Variants in SFTPD observed in about 807,000 individuals in gnomAD.
SFTPD encodes the protein surfactant protein D.
SFTPD carries 18 observed loss-of-function variants against 34.6 expected under a neutral mutation model. The ratio of observed to expected loss-of-function variants is 0.52; its 90% CI spans 0.36 to 0.77. SFTPD has a LOEUF of 0.77. Among genes scored for constraint, SFTPD ranks in the 30% least tolerant of loss-of-function variants. SFTPD has a pLI of 0.00. For missense variants in SFTPD, 433 were observed against 468.9 expected, an observed-to-expected ratio of 0.92 and a Z score of 0.71; for synonymous variants, 155 against 180.9, an observed-to-expected ratio of 0.86 and a Z score of 1.15.
chr10:79,953,474 G>C (rs1842722576), upstream of SFTPD, among the ~76,000 whole-genome samples: 1 of 148,860 alleles, frequency 6.7e-6, no homozygotes, highest in African/African-American at 2.5e-5. Flanking sequence ...ATTCTCTCCT[G>C]GTCTGCAGGG....
intron 2 of SFTPD, among the ~76,000 whole-genome samples, chr10:79,946,021 C>A (rs1842661441): frequency 6.6e-6 from 1 of 152,174 alleles, no homozygotes; most frequent in Non-Finnish European, 1.5e-5. Flanking sequence ...TAGAGCAAAT[C>A]CTCTTGATTA....
At chr10:79,945,204 T>C (rs1224381509) in intron 2 of SFTPD, among the ~76,000 whole-genome samples, 1 of 152,102 alleles carries the variant, frequency 6.6e-6, no homozygotes, top group Non-Finnish European at 1.5e-5. Flanking sequence ...CCCAGGGCCA[T>C]TGTGGGAAAG....
chr10:79,937,752 A>T lies in SFTPD; in HGVS notation c.*100T>A. On this transcript the variant is annotated 3_prime_UTR_variant, in exon 8 of 8. Transcript: ENST00000372292. ...TGGAGAGAAGTCCTTCCCGGCACAG[A>T]TGGTCACCTTTTTATTAGGATATTG... is the stretch of plus-strand genomic sequence containing the variant. 1 of 1,300,116 alleles carries T rather than the reference A, an allele frequency of 7.7e-7. No individual in the cohort carries two copies. The allele number at this position is 1,300,116 out of a possible 1,614,324, so 80.5% of individuals were successfully genotyped here.
At chr10:79,955,587 G>T (rs375682003) in intron 1 of SFTPD, among the ~76,000 whole-genome samples, 1 of 152,266 alleles carries the variant, frequency 6.6e-6, no homozygotes, top group South Asian at 2.1e-4. Context: ...GATTGCTTAT[G>T]CTCAGGTGCT....
chr10:79,940,904 A>T (rs1302737436), intron 6 of SFTPD, 116 bp from the exon 7 acceptor site: 7 of 664,098 alleles, frequency 1.1e-5, no homozygotes, highest in African/African-American at 1.8e-5. Flanking sequence ...GGGCTGACCC[A>T]CAGCAAGCCC....
intron 1 of SFTPD, among the ~76,000 whole-genome samples, chr10:79,959,378 CA>C (rs1325017424): frequency 6.6e-6 from 1 of 152,004 alleles, no homozygotes; most frequent in African/African-American, 2.4e-5. Context: ...AAAGGATCAA[CA>C]AAATCGATAG....
Position 79,958,315 on chromosome 10 carries a change from A to G in SFTPD, c.37-11653T>C, listed in dbSNP as rs1349831237. Among the ~76,000 whole-genome samples, 3 of 152,202 alleles carry G rather than the reference A, an allele frequency of 2.0e-5. No homozygotes were observed. The East Asian group carries it at 5.8e-4, about 29-fold the overall frequency. On this transcript the variant is annotated intron_variant, in intron 1 of 5. Transcript: ENST00000444384. Reference sequence around the variant, plus strand: ...ACACATAACAATATTAACTTTAAACATAAGTGGGCTAAATGCTCCAATTAA... The same window carrying G: ...ACACATAACAATATTAACTTTAAACGTAAGTGGGCTAAATGCTCCAATTAA...
chr10:79,953,331 C>T (rs1161045175), upstream of SFTPD, among the ~76,000 whole-genome samples: 1 of 152,098 alleles, frequency 6.6e-6, no homozygotes, highest in Non-Finnish European at 1.5e-5. Context: ...TGACAAACTC[C>T]CTCAGTATAT....
At chr10:79,948,719 C>G (rs947792518) in intron 1 of SFTPD, among the ~76,000 whole-genome samples, 1 of 152,186 alleles carries the variant, frequency 6.6e-6, no homozygotes, top group Non-Finnish European at 1.5e-5. Context: ...ACTGTCCTTT[C>G]TGAAGAAATC....
At chr10:79,958,739 A>C (rs1842754808) in intron 1 of SFTPD, among the ~76,000 whole-genome samples, 2 of 152,180 alleles carry the variant, frequency 1.3e-5, no homozygotes, top group South Asian at 4.1e-4. Flanking sequence ...GATCAACAAG[A>C]CAGAAAGTTA....
rs1386999898 is a variant in SFTPD, at chr10:79,941,442, C to A, written c.623G>T (p.Gly208Val). 1 of 1,613,948 alleles carries A rather than the reference C, an allele frequency of 6.2e-7. No homozygotes were observed. Among genetic ancestry groups the A allele is most frequent in the Non-Finnish European group, 8.5e-7 (1 of 1,179,862 alleles). The change falls in exon 6 of 8, where the codon GGC becomes GTC. Residue 208 changes from glycine (G) to valine (V), a missense_variant. Physicochemically the swap from Gly to Val is moderately radical, Grantham distance 109. Transcript: ENST00000372292. ...RGPPGLKGDK[G>V]IPGDKGAKGE... is the part of the protein sequence containing the mutation. The stretch of plus-strand genomic sequence containing the variant: ...CTTTGCTCCTTTGTCTCCAGGAATG[C>A]CTTTGTCCCCCTTCAATCCCGGGGG...
chr10:79,942,596 G>A (rs2132495616), intron 3 of SFTPD, 92 bp from the exon 4 acceptor site: 4 of 978,546 alleles, frequency 4.1e-6, no homozygotes, highest in Non-Finnish European at 6.6e-6. Flanking sequence ...AGGTAAGGGA[G>A]GCAGCATTGT....
intron 1 of SFTPD, among the ~76,000 whole-genome samples, chr10:79,967,190 C>T: frequency 7.8e-6 from 1 of 128,178 alleles, no homozygotes; most frequent in African/African-American, 3.2e-5. Context: ...CATGAGTGAA[C>T]TCCCATTCAC....
chr10:79,967,964 A>C (rs1842812329), intron 1 of SFTPD, among the ~76,000 whole-genome samples: 1 of 148,536 alleles, frequency 6.7e-6, no homozygotes, highest in African/African-American at 2.5e-5. Flanking sequence ...ATCTCCCTTC[A>C]CTGACTCTCT....
chr10:79,967,127 C>T (rs868079753), intron 1 of SFTPD, among the ~76,000 whole-genome samples: 3 of 115,054 alleles, frequency 2.6e-5, no homozygotes, highest in African/African-American at 3.7e-5. Flanking sequence ...AATCAATGTA[C>T]AAAAATCACA....
chr10:79,948,929 C>A (rs1007908136), intron 1 of SFTPD, 137 bp downstream of exon 1: 4 of 152,464 alleles, frequency 2.6e-5, no homozygotes, highest in Admixed American at 2.6e-4. Context: ...GTGCTCCCCA[C>A]CTCCTGCGCC....
chr10:79,947,265 C>G (rs1842675159), intron 1 of SFTPD, among the ~76,000 whole-genome samples: 1 of 152,248 alleles, frequency 6.6e-6, no homozygotes. Context: ...TGCCATTCCT[C>G]GAGCAGGTGC....
chr10:79,953,152 C>G (rs1224063243), upstream of SFTPD, among the ~76,000 whole-genome samples: 1 of 152,236 alleles, frequency 6.6e-6, no homozygotes, highest in African/African-American at 2.4e-5. Flanking sequence ...GAACTGGTGT[C>G]CAATGTCTCT....
chr10:79,946,444 C>T lies in SFTPD; in HGVS notation c.199+17G>A, dbSNP rs1450086996. ...ACCATTCCTCCCCAGCAGGATAAGC[C>T]CAGGGCCCCACCCTACCTGGGTCCC... On this transcript the variant is annotated intron_variant, in intron 2 of 7. Transcript: ENST00000372292. The T allele has an allele frequency of 6.3e-7, 1 of 1,598,894 alleles. No homozygotes were observed. Among genetic ancestry groups the T allele is most frequent in the Non-Finnish European group, 8.6e-7 (1 of 1,166,820 alleles).
Sources: allele counts gnomAD v4.1 joint callset (sites outside exome capture counted in the v4.1 genomes callset), GRCh38; gene constraint gnomAD v4.1.1; transcripts MANE v1.5; gene names NCBI Gene and HGNC (gene_info 2026-07-23, HGNC 2026-07-21).